Variants in PARD6B observed in about 807,000 individuals in gnomAD.
PARD6B encodes the protein partitioning defective 6 homolog beta.
A neutral mutation model predicts 10.5 loss-of-function variants in PARD6B; 4 were observed. That is an observed-to-expected ratio of 0.38 (90% CI 0.19 to 0.87). The LOEUF is 0.87. PARD6B is among the 40% of genes least tolerant of loss of function. The pLI is 0.41. For missense variants in PARD6B, 396 were observed against 470.6 expected, an observed-to-expected ratio of 0.84 and a Z score of 1.47; for synonymous variants, 169 against 170.4, an observed-to-expected ratio of 0.99 and a Z score of 0.07.
At position 50,750,930 on chromosome 20, in the gene PARD6B, T is replaced by C. The variant is rs2087602160; in HGVS notation, c.*442T>C. On this transcript the variant is annotated 3_prime_UTR_variant, in exon 3 of 3. Transcript: ENST00000371610. ...TTGGGGACCTCAGCTCTTAAAGGTC[T>C]CATGTTCCCAATATTTTATTTTGAT... is the stretch of plus-strand genomic sequence containing the variant. 6 of 902,088 alleles carry C rather than the reference T, an allele frequency of 6.7e-6. No individual in the cohort carries two copies. In the South Asian group the frequency reaches 2.6e-4, roughly 39 times the overall value. 55.9% of individuals were successfully genotyped at this position (902,088 alleles called of 1,614,324 possible).
chr20:50,732,552 T>C (rs2087477490), intron 1 of PARD6B, among the ~76,000 whole-genome samples: 3 of 152,300 alleles, frequency 2.0e-5, no homozygotes. Flanking sequence ...ATCTCAAGGC[T>C]CAGTGAGCAG....
chr20:50,750,413 CT>C lies in PARD6B; in HGVS notation c.1045del (p.Ser349GlnfsTer15). 1 of 1,614,182 alleles carries C rather than the reference CT, an allele frequency of 6.2e-7. No individual in the cohort carries two copies. Among genetic ancestry groups the C allele is most frequent in the Non-Finnish European group, 8.5e-7 (1 of 1,180,024 alleles). On this transcript the variant is annotated frameshift_variant, in exon 3 of 3. Transcript: ENST00000371610. LOFTEE classifies it high-confidence loss of function. ...EVSLAAIASS[S>X]NTEFETHAPD... ...TGAGCTTAGCAGCCATAGCAAGCAG[CT>C]CAAACACGGAATTTGAAACACATGC...
In PARD6B at chr20:50,753,075, CTTTT is replaced by C. The variant is rs781547758; in HGVS notation, c.*2595_*2598del. ...AAATATTTTTACACACTACCTCTCT[CTTTT>C]TTTTTTTAAAGTTTTAACATCAGAA... On this transcript the variant is annotated 3_prime_UTR_variant, in exon 3 of 3. Transcript: ENST00000371610. The C allele has an allele frequency of 5.3e-6, 4 of 751,440 alleles. No individual in the cohort carries two copies. Among genetic ancestry groups the C allele is most frequent in the East Asian group, 1.3e-4 (1 of 7,576 alleles). 46.5% of individuals were successfully genotyped at this position (751,440 alleles called of 1,614,324 possible).
At chr20:50,745,227 C>T (rs1183566619) in intron 2 of PARD6B, among the ~76,000 whole-genome samples, 3 of 152,100 alleles carry the variant, frequency 2.0e-5, no homozygotes, top group Admixed American at 1.3e-4. Context: ...GTCAGGAGTT[C>T]GCCACCAGCC....
chr20:50,745,024 C>G (rs976276307), intron 2 of PARD6B, among the ~76,000 whole-genome samples: 1 of 152,206 alleles, frequency 6.6e-6, no homozygotes, highest in Non-Finnish European at 1.5e-5. Context: ...ATTCCTGGCA[C>G]ATAGTCAGTG....
chr20:50,734,730 A>G (rs2087490697), intron 1 of PARD6B, among the ~76,000 whole-genome samples: 1 of 151,894 alleles, frequency 6.6e-6, no homozygotes, highest in South Asian at 2.1e-4. Flanking sequence ...CATGTTGGTC[A>G]TGTTGGTCTC....
chr20:50,738,061 A>C lies in PARD6B; in HGVS notation c.271A>C (p.Ile91Leu). Residue 91 changes from isoleucine to leucine, a missense_variant, in exon 2 of 3, where the codon ATA (isoleucine) becomes CTA (leucine). Transcript: ENST00000371610. ...TTCAACGGCCAATCCACTGCTTAGG[A>C]TATTTATACAAAAGAAGGGTAAGTA... ...AVSTANPLLR[I>L]FIQKKEEADY... 3.7e-6 allele frequency: 6 copies of C among 1,601,954 alleles called. No homozygotes were observed. The highest frequency in any genetic ancestry group is 5.1e-6 in the Non-Finnish European group (6 of 1,174,644).
intron 2 of PARD6B, among the ~76,000 whole-genome samples, chr20:50,746,489 C>A (rs544804516): frequency 2.6e-4 from 40 of 152,324 alleles, no homozygotes; most frequent in Middle Eastern, 3.4e-3. Flanking sequence ...TTCAAACTTT[C>A]CATCTCATTC....
Position 50,753,297 on chromosome 20 carries a change from TAA to T in PARD6B, c.*2810_*2811del. ...TCTGTTTCTTAAATTATTGGTGAAA[TAA>T]TTGATTACTAGATATATTGTAAAAC... is the stretch of plus-strand genomic sequence containing the variant. On this transcript the variant is annotated 3_prime_UTR_variant, in exon 3 of 3. Coordinates refer to ENST00000371610, the MANE Select transcript of PARD6B (RefSeq NM_032521.3). The T allele has an allele frequency of 1.0e-6, 1 of 984,040 alleles. No individual in the cohort carries two copies. Among genetic ancestry groups the T allele is most frequent in the Non-Finnish European group, 1.2e-6 (1 of 828,296 alleles). The allele number at this position is 984,040 out of a possible 1,614,324, so 61.0% of individuals were successfully genotyped here.
At chr20:50,747,485 C>CTTTCTTTTTTTTTTTT (rs2087574483) in intron 2 of PARD6B, among the ~76,000 whole-genome samples, 1 of 35,936 alleles carries the variant, frequency 2.8e-5, no homozygotes, top group Non-Finnish European at 5.7e-5. Flanking sequence ...TTTTTTCTTT[C>CTTTCTTTTTTTTTTTT]TTTCTTTTTT....
At chr20:50,743,602 C>T (rs73912225) in intron 2 of PARD6B, among the ~76,000 whole-genome samples, 3,521 of 151,788 alleles carry the variant, frequency 0.023, 128 homozygotes, top group African/African-American at 0.078. Context: ...AAGATATGGC[C>T]CAGAAATGAA....
intron 2 of PARD6B, among the ~76,000 whole-genome samples, chr20:50,739,435 C>A (rs541412927): frequency 7.7e-4 from 117 of 151,930 alleles, no homozygotes; most frequent in African/African-American, 2.8e-3. Flanking sequence ...AGCAAGACTC[C>A]TCAAAAAAAT....
rs2087615847 is a variant in PARD6B at position 50,752,146 on chromosome 20, A to AGTC, written c.*1659_*1661dup. ...ATTCTCTTGACTTTGGAAATATGGA[A>AGTC]GTCTCTCCTTTAACCTATTCTTGTT... On this transcript the variant is annotated 3_prime_UTR_variant, in exon 3 of 3. Transcript: ENST00000371610. The AGTC allele has an allele frequency of 6.1e-6, 6 of 985,514 alleles. No individual in the cohort carries two copies. The highest frequency in any genetic ancestry group is 7.2e-6 in the Non-Finnish European group (6 of 829,656). The allele number at this position is 985,514 out of a possible 1,614,324, so 61.0% of individuals were successfully genotyped here. A position where few individuals can be genotyped will look rare whatever the true frequency, so the allele number is the denominator to read the frequency against.
Position 50,752,760 on chromosome 20 carries a change from T to G in PARD6B, c.*2272T>G. The G allele has an allele frequency of 1.0e-6, 1 of 981,754 alleles. No individual in the cohort carries two copies. Among genetic ancestry groups the G allele is most frequent in the South Asian group, 4.7e-5 (1 of 21,192 alleles). The allele number at this position is 981,754 out of a possible 1,614,324, so 60.8% of individuals were successfully genotyped here. Reference sequence around the variant, plus strand: ...TGGTAAAATATATATGAAGAAGTCTTGATTACGTGAAGATCACTTGACTCA... The same window carrying G: ...TGGTAAAATATATATGAAGAAGTCTGGATTACGTGAAGATCACTTGACTCA... On this transcript the variant is annotated 3_prime_UTR_variant, in exon 3 of 3. Coordinates refer to ENST00000371610, the MANE Select transcript of PARD6B (RefSeq NM_032521.3).
At chr20:50,733,320 A>G (rs1284444193) in intron 1 of PARD6B, among the ~76,000 whole-genome samples, 1 of 152,176 alleles carries the variant, frequency 6.6e-6, no homozygotes. Context: ...GCTACTTGAG[A>G]GGCTGAGGCA....
In PARD6B at chr20:50,750,613, T is replaced by TA; in HGVS notation, c.*125_*126insA. ...GCATGAGACGAGTAACGTTGCAAGCTTACAATATTATTAAAGTAGTAGTTT... is the reference window on the plus strand; with the variant it reads ...GCATGAGACGAGTAACGTTGCAAGCTATACAATATTATTAAAGTAGTAGTTT... On this transcript the variant is annotated 3_prime_UTR_variant, in exon 3 of 3. Coordinates refer to ENST00000371610, the MANE Select transcript of PARD6B (RefSeq NM_032521.3). 7.0e-7 allele frequency: 1 copy of TA among 1,429,238 alleles called. No individual in the cohort carries two copies. Among genetic ancestry groups the TA allele is most frequent in the Non-Finnish European group, 9.1e-7 (1 of 1,095,824 alleles). The allele number at this position is 1,429,238 out of a possible 1,614,324, so 88.5% of individuals were successfully genotyped here.
intron 2 of PARD6B, among the ~76,000 whole-genome samples, chr20:50,747,473 CTTTT>C (rs1296594351): frequency 2.3e-5 from 1 of 44,144 alleles, no homozygotes; most frequent in Non-Finnish European, 4.9e-5. Flanking sequence ...TTTTCTTTTT[CTTTT>C]TTTCTTTCTT....
chr20:50,752,692 TGAA>T lies in PARD6B; in HGVS notation c.*2207_*2209del, dbSNP rs2123711038. 1.0e-6 allele frequency: 1 copy of T among 979,280 alleles called. No individual in the cohort carries two copies. The highest frequency in any genetic ancestry group is 1.2e-6 in the Non-Finnish European group (1 of 823,928). 60.7% of individuals were successfully genotyped at this position (979,280 alleles called of 1,614,324 possible). On this transcript the variant is annotated 3_prime_UTR_variant, in exon 3 of 3. Coordinates refer to ENST00000371610, the MANE Select transcript of PARD6B (RefSeq NM_032521.3). ...TAACAATTGTGTGCTATTACAACAA[TGAA>T]GATTCAAATGACTCCGCTTTGAAGG...
chr20:50,741,538 G>A (rs560704030), intron 2 of PARD6B, among the ~76,000 whole-genome samples: 2 of 152,140 alleles, frequency 1.3e-5, no homozygotes, highest in East Asian at 1.9e-4. Flanking sequence ...CTTACTTAGT[G>A]TACTATAATG....
Sources: gnomAD v4.1 joint callset for allele counts (sites outside exome capture counted in the v4.1 genomes callset) on GRCh38, gnomAD v4.1.1 for gene constraint, MANE v1.5 for transcripts, NCBI Gene and HGNC (gene_info 2026-07-23, HGNC 2026-07-21) for gene names.